INPP4B: variants seen among roughly 807,000 people sequenced by gnomAD.
INPP4B encodes the protein inositol polyphosphate-4-phosphatase type II B, also known as inositol polyphosphate 4-phosphatase type II.
A neutral mutation model predicts 122.5 loss-of-function variants in INPP4B; 55 were observed. That is an observed-to-expected ratio of 0.45 (90% CI 0.36 to 0.56). INPP4B has a LOEUF of 0.56. Ranked by LOEUF, INPP4B falls within the 20% of genes least tolerant of loss-of-function variation. INPP4B has a pLI of 0.00. For missense variants in INPP4B, 1,000 were observed against 1,097.7 expected (o/e 0.91, Z 1.26); for synonymous variants, 403 against 388.7 (o/e 1.04, Z -0.43).
intron 7 of INPP4B, among the ~76,000 whole-genome samples, chr4:142,362,628 G>A (rs1281318598): frequency 2.0e-5 from 3 of 151,724 alleles, no homozygotes; most frequent in African/African-American, 4.8e-5. Context: ...TACAAGATGT[G>A]TGAAGGGTCC....
At chr4:142,749,952 G>T (rs1368383455) in intron 1 of INPP4B, among the ~76,000 whole-genome samples, 1 of 151,940 alleles carries the variant, frequency 6.6e-6, no homozygotes, top group Non-Finnish European at 1.5e-5. Context: ...AAAGATGTCA[G>T]TGTGGAAAAA....
Position 142,082,140 on chromosome 4 carries a change from C to T in INPP4B, c.2533G>A (p.Ala845Thr), listed in dbSNP as rs1273668225. The T allele has an allele frequency of 2.3e-5, 36 of 1,538,368 alleles. No homozygotes were observed. The highest frequency in any genetic ancestry group is 3.2e-5 in the Non-Finnish European group (36 of 1,124,990). The change falls in exon 25 of 26, where the codon GCC (alanine) becomes ACC (threonine). Residue 845 changes from alanine to threonine, a missense_variant. Ala to Thr is a moderately conservative substitution (Grantham distance 58). Coordinates refer to ENST00000262992, the MANE Select transcript of INPP4B (RefSeq NM_001101669.3). ...ACTGACATCGATGTCCTGTCTTTGG[C>T]ACTTTTACAACAGGTGAAACGAATA... ...NGIRFTCCKS[A>T]KDRTSMSVTL... is the part of the protein sequence containing the mutation.
At chr4:142,420,163 C>A (rs1428773588) in intron 5 of INPP4B, among the ~76,000 whole-genome samples, 1 of 151,886 alleles carries the variant, frequency 6.6e-6, no homozygotes, top group Non-Finnish European at 1.5e-5. Flanking sequence ...TTTGCTTAAT[C>A]CATGTTGAAT....
chr4:142,571,388 A>G (rs1333642280), intron 2 of INPP4B, among the ~76,000 whole-genome samples: 3 of 152,134 alleles, frequency 2.0e-5, no homozygotes, highest in African/African-American at 7.2e-5. Context: ...AAATTAACCT[A>G]TCCATTAACT....
intron 20 of INPP4B, 133 bp downstream of exon 20, chr4:142,123,159 G>A: frequency 1.4e-6 from 1 of 717,572 alleles, no homozygotes; most frequent in Non-Finnish European, 2.1e-6. Context: ...GCAAAAAACT[G>A]AAAGTTATAT....
chr4:142,506,672 T>G (rs1298803425), intron 2 of INPP4B, among the ~76,000 whole-genome samples: 1 of 152,196 alleles, frequency 6.6e-6, no homozygotes, highest in Non-Finnish European at 1.5e-5. Flanking sequence ...AGGCCCCTCC[T>G]TTCTTACTGT....
At chr4:142,480,778 T>G (rs568760022) in intron 2 of INPP4B, among the ~76,000 whole-genome samples, 1 of 152,208 alleles carries the variant, frequency 6.6e-6, no homozygotes, top group East Asian at 1.9e-4. Context: ...GTGTGGTGAT[T>G]ATAAGCAGCA....
chr4:142,203,887 G>A (rs1340076514), intron 14 of INPP4B, among the ~76,000 whole-genome samples: 2 of 151,928 alleles, frequency 1.3e-5, no homozygotes, highest in East Asian at 3.9e-4. Flanking sequence ...CCAGTAAAAT[G>A]CCAAGGCTTA....
chr4:142,723,450 C>T (rs1267927096), intron 2 of INPP4B, among the ~76,000 whole-genome samples: 1 of 152,124 alleles, frequency 6.6e-6, no homozygotes, highest in African/African-American at 2.4e-5. Flanking sequence ...TTTAACCTGA[C>T]TAATTGAAGT....
intron 1 of INPP4B, among the ~76,000 whole-genome samples, chr4:142,801,621 A>G (rs1030757130): frequency 3.9e-5 from 6 of 152,206 alleles, no homozygotes; most frequent in African/African-American, 1.4e-4. Flanking sequence ...GTGGTATTTT[A>G]TTATGCCAAC....
chr4:142,294,829 C>CAAAAAAAAGAAAAAAA (rs1757909667), intron 9 of INPP4B, among the ~76,000 whole-genome samples: 1 of 28,462 alleles, frequency 3.5e-5, no homozygotes, highest in Non-Finnish European at 6.4e-5. Flanking sequence ...GACTCCGTCT[C>CAAAAAAAAGAAAAAAA]AAAAAAAAAA....
chr4:142,770,024 C>A (rs889066574), intron 1 of INPP4B, among the ~76,000 whole-genome samples: 4 of 152,156 alleles, frequency 2.6e-5, no homozygotes, highest in African/African-American at 9.7e-5. Context: ...GAGAGAGAGG[C>A]TCATAGAAAA....
At chr4:142,786,200 G>C (rs1241767483) in intron 1 of INPP4B, among the ~76,000 whole-genome samples, 1 of 152,030 alleles carries the variant, frequency 6.6e-6, no homozygotes, top group Non-Finnish European at 1.5e-5. Flanking sequence ...TAGGACTGAG[G>C]CAAGAAATAT....
intron 1 of INPP4B, among the ~76,000 whole-genome samples, chr4:142,749,475 A>T (rs188061214): frequency 6.6e-6 from 1 of 151,180 alleles, no homozygotes; most frequent in African/African-American, 2.4e-5. Flanking sequence ...GAATCAAAAG[A>T]GTAAACCAAT....
At chr4:142,798,967 C>T (rs1474005912) in intron 1 of INPP4B, among the ~76,000 whole-genome samples, 1 of 151,468 alleles carries the variant, frequency 6.6e-6, no homozygotes, top group Non-Finnish European at 1.5e-5. Flanking sequence ...GGATGGGGAC[C>T]ATGAGAGACT....
intron 1 of INPP4B, among the ~76,000 whole-genome samples, chr4:142,764,945 T>C (rs1771886290): frequency 6.7e-6 from 1 of 149,904 alleles, no homozygotes; most frequent in African/African-American, 2.4e-5. Context: ...AGATTTACTC[T>C]CTTAAGAGTA....
chr4:142,288,004 C>T (rs1754615621), intron 9 of INPP4B, among the ~76,000 whole-genome samples: 2 of 152,090 alleles, frequency 1.3e-5, no homozygotes. Context: ...CTCAGGTATC[C>T]CTTCTTATAA....
intron 2 of INPP4B, among the ~76,000 whole-genome samples, chr4:142,616,857 G>A (rs960468899): frequency 6.6e-6 from 1 of 152,048 alleles, no homozygotes; most frequent in Non-Finnish European, 1.5e-5. Flanking sequence ...AAAACCACAC[G>A]TTCTTACTTG....
At chr4:142,633,653 G>A (rs1354270728) in intron 2 of INPP4B, among the ~76,000 whole-genome samples, 1 of 152,002 alleles carries the variant, frequency 6.6e-6, no homozygotes, top group Non-Finnish European at 1.5e-5. Flanking sequence ...GTAGGAAGTT[G>A]GAAGAAGAGA....
Sources: gnomAD v4.1 joint callset for allele counts (sites outside exome capture counted in the v4.1 genomes callset) on GRCh38, gnomAD v4.1.1 for gene constraint, MANE v1.5 for transcripts, NCBI Gene and HGNC (gene_info 2026-07-23, HGNC 2026-07-21) for gene names.